SGCD: variants seen among roughly 807,000 people sequenced by gnomAD.
SGCD encodes the protein sarcoglycan delta, also known as delta-sarcoglycan.
SGCD carries 18 observed loss-of-function variants against 36.6 expected under a neutral mutation model. The observed-to-expected ratio is 0.49, with a 90% CI of 0.34 to 0.73. The LOEUF (loss-of-function observed/expected upper bound fraction) is 0.73, where lower values mean the gene tolerates loss of function less well. Among genes scored for constraint, SGCD ranks in the 30% least tolerant of loss-of-function variants. The pLI is 0.01. For synonymous variants in SGCD, 133 were observed against 130.6 expected (o/e 1.02, Z -0.12); for missense variants, 387 against 346.7 (o/e 1.12, Z -0.92).
intron 3 of SGCD, among the ~76,000 whole-genome samples, chr5:156,286,888 T>A (rs1192662363): frequency 6.6e-6 from 1 of 152,012 alleles, no homozygotes; most frequent in Non-Finnish European, 1.5e-5. Flanking sequence ...ATAGAGTGGA[T>A]GGTAATAAGA....
intron 3 of SGCD, chr5:156,393,810 G>C (rs1319143320): frequency 4.4e-6 from 2 of 456,192 alleles, no homozygotes; most frequent in Non-Finnish European, 8.8e-6. Flanking sequence ...AATGAGCTGA[G>C]AGGAGCCAGA....
chr5:156,580,457 C>G (rs1760204732), intron 4 of SGCD, among the ~76,000 whole-genome samples: 1 of 152,116 alleles, frequency 6.6e-6, no homozygotes, highest in Non-Finnish European at 1.5e-5. Flanking sequence ...CTAATGTTGG[C>G]CTGCTTTGCT....
the SGCD span, among the ~76,000 whole-genome samples, chr5:155,788,350 G>A: frequency 6.6e-6 from 1 of 152,268 alleles, no homozygotes; most frequent in East Asian, 1.9e-4. Context: ...CAGGAAGAAT[G>A]ACAGAATATT....
In SGCD at chr5:156,603,005, A is replaced by G. The variant is rs77701528; in HGVS notation, c.502+7954A>G. On this transcript the variant is annotated intron_variant, in intron 6 of 8. Transcript: ENST00000337851. ...TTCTCTGATGTTATGGAATAGTTTG[A>G]AAAGAATTAGTAATACTTCTTCTTT... is the stretch of plus-strand genomic sequence containing the variant. Among the ~76,000 whole-genome samples, 1,347 of 150,688 alleles carry G rather than the reference A, an allele frequency of 8.9e-3. 118 individuals are homozygous for G. In the East Asian group the frequency reaches 0.21, roughly 23 times the overall value.
intron 1 of SGCD, among the ~76,000 whole-genome samples, chr5:155,920,574 C>A (rs926096249): frequency 4.6e-5 from 7 of 152,096 alleles, no homozygotes; most frequent in Non-Finnish European, 7.4e-5. Flanking sequence ...AAAAACAGAG[C>A]CAGTATTTAG....
At chr5:156,499,861 G>A (rs968006911) in intron 3 of SGCD, among the ~76,000 whole-genome samples, 1 of 152,116 alleles carries the variant, frequency 6.6e-6, no homozygotes, top group African/African-American at 2.4e-5. Flanking sequence ...AAAGGTAGAA[G>A]TGACCATTTA....
the SGCD span, among the ~76,000 whole-genome samples, chr5:155,860,353 T>C: frequency 1.3e-5 from 2 of 152,262 alleles, no homozygotes; most frequent in Admixed American, 6.5e-5. Context: ...AACCTATTGG[T>C]ATATTTTATC....
chr5:156,635,589 T>A (rs1050004148), intron 6 of SGCD, among the ~76,000 whole-genome samples: 3 of 152,162 alleles, frequency 2.0e-5, no homozygotes. Context: ...TGCACACGTA[T>A]GTTTATTGCA....
At chr5:156,705,913 C>T (rs995068812) in intron 7 of SGCD, among the ~76,000 whole-genome samples, 3 of 152,026 alleles carry the variant, frequency 2.0e-5, no homozygotes, top group East Asian at 3.8e-4. Flanking sequence ...TTTGTAGTTT[C>T]GTGTTTTCAT....
At chr5:156,719,188 G>A (rs1755368471) in intron 7 of SGCD, among the ~76,000 whole-genome samples, 1 of 152,086 alleles carries the variant, frequency 6.6e-6, no homozygotes, top group Admixed American at 6.5e-5. Flanking sequence ...GCCAGCAGGT[G>A]GAGACCCAAG....
intron 7 of SGCD, among the ~76,000 whole-genome samples, chr5:156,734,186 A>G (rs1246864886): frequency 6.6e-6 from 1 of 151,998 alleles, no homozygotes; most frequent in Non-Finnish European, 1.5e-5. Flanking sequence ...AATTTATTTT[A>G]AAGAATGTTG....
chr5:156,251,251 C>T (rs1045448625), intron 3 of SGCD, among the ~76,000 whole-genome samples: 1 of 152,114 alleles, frequency 6.6e-6, no homozygotes, highest in Non-Finnish European at 1.5e-5. Context: ...TAAAGATAAT[C>T]TGGAAACATT....
At chr5:155,937,182 G>C (rs1457015571) in intron 1 of SGCD, among the ~76,000 whole-genome samples, 1 of 152,174 alleles carries the variant, frequency 6.6e-6, no homozygotes, top group Non-Finnish European at 1.5e-5. Context: ...TGACTTGGGT[G>C]GCTGCAGCTG....
At chr5:155,820,535 CAAAT>C in the SGCD span, among the ~76,000 whole-genome samples, 80 of 151,952 alleles carry the variant, frequency 5.3e-4, no homozygotes, top group African/African-American at 1.8e-3. Flanking sequence ...AACAAACAAA[CAAAT>C]AAATAAAACT....
intron 7 of SGCD, among the ~76,000 whole-genome samples, chr5:156,687,012 A>G (rs1036932987): frequency 6.6e-6 from 1 of 152,202 alleles, no homozygotes; most frequent in African/African-American, 2.4e-5. Context: ...ACCATCCATC[A>G]GAGGCACCTG....
chr5:156,144,541 G>A (rs1239828634), intron 3 of SGCD, among the ~76,000 whole-genome samples: 1 of 152,114 alleles, frequency 6.6e-6, no homozygotes, highest in Non-Finnish European at 1.5e-5. Context: ...GTCTTCTTTT[G>A]AGAAGTGTCT....
At chr5:156,152,888 T>G (rs1457909748) in intron 3 of SGCD, among the ~76,000 whole-genome samples, 1 of 151,414 alleles carries the variant, frequency 6.6e-6, no homozygotes, top group Non-Finnish European at 1.5e-5. Flanking sequence ...ATGAGTCTGC[T>G]TCTTTTCTTC....
At chr5:156,707,978 TATCAAATAACA>T in intron 7 of SGCD, among the ~76,000 whole-genome samples, 1 of 152,174 alleles carries the variant, frequency 6.6e-6, no homozygotes, top group Non-Finnish European at 1.5e-5. Context: ...TTAGGTTGTA[TATCAAATAACA>T]GAGTGAGAGA....
intron 1 of SGCD, among the ~76,000 whole-genome samples, chr5:155,904,772 A>G (rs1045877902): frequency 2.6e-5 from 4 of 152,314 alleles, no homozygotes; most frequent in East Asian, 1.9e-4. Flanking sequence ...ATAAAGTACC[A>G]TCTTATCTTT....
Sources: allele counts gnomAD v4.1 joint callset (sites outside exome capture counted in the v4.1 genomes callset), GRCh38; gene constraint gnomAD v4.1.1; transcripts MANE v1.5; gene names NCBI Gene and HGNC (gene_info 2026-07-23, HGNC 2026-07-21).